Variants in COL18A1 observed in about 807,000 individuals in gnomAD.
The protein encoded by COL18A1 is collagen type XVIII alpha 1 chain.
In COL18A1, 133 loss-of-function variants were observed where a neutral mutation model predicts 168.0. That is an observed-to-expected ratio of 0.79 (90% CI 0.69 to 0.91). The LOEUF is 0.91. Among genes scored for constraint, COL18A1 ranks in the 40% least tolerant of loss-of-function variants. The probability of loss-of-function intolerance (pLI) is 0.00; values close to 1 mark genes in which losing one functional copy is unlikely to be tolerated. For missense variants in COL18A1, 2,126 were observed against 1,925.4 expected (o/e 1.10, Z -1.95); for synonymous variants, 949 against 809.0 (o/e 1.17, Z -2.94).
At position 45,480,419 on chromosome 21, in the gene COL18A1, C is replaced by G. The variant is rs2236466; in HGVS notation, c.1399-48C>G. 122,787 of 1,613,576 alleles carry G rather than the reference C, an allele frequency of 0.076. 6,177 individuals carry two copies. The highest frequency in any genetic ancestry group is 0.22 in the African/African-American group (16,857 of 74,958). ...GGGCAGGGGCCAGGAGTAGGCCAGG[C>G]GGGGGGCCGAGCTCAGGGCAACGTG... On this transcript the variant is annotated intron_variant, in intron 11 of 41. Coordinates refer to ENST00000651438, the MANE Select transcript of COL18A1 (RefSeq NM_001379500.1).
Position 45,505,429 on chromosome 21 carries a change from G to A in COL18A1, c.3085G>A (p.Gly1029Arg). 9.1e-6 allele frequency: 14 copies of A among 1,539,988 alleles called. No individual in the cohort carries two copies. Among genetic ancestry groups the A allele is most frequent in the Non-Finnish European group, 1.2e-5 (14 of 1,125,112 alleles). ...GPPGTMGASS[G>R]VRLWATRQAM... ...CCCTGGAACCATGGGCGCCTCCTCA[G>A]GGGTAAGTGTCTGGGCAGCCGGCTG... Residue 1029 changes from glycine to arginine, a missense_variant and splice_region_variant, in exon 36 of 42, where the codon GGG becomes AGG. By Grantham distance (125) the Gly-to-Arg change is moderately radical. Coordinates refer to ENST00000651438, the MANE Select transcript of COL18A1 (RefSeq NM_001379500.1).
rs77297122 is a variant in COL18A1, at chr21:45,487,167, G to A, written c.1833+175G>A. On this transcript the variant is annotated intron_variant, in intron 16 of 41. Transcript: ENST00000651438. ...GTGGGGCTCGAGTCTCTCGCCCGTCGCCCGTGCCCCACGGTGCTGATGGGG... is the reference window on the plus strand; with the variant it reads ...GTGGGGCTCGAGTCTCTCGCCCGTCACCCGTGCCCCACGGTGCTGATGGGG... Among the ~76,000 whole-genome samples the A allele has an allele frequency of 8.0e-3, 1,211 of 152,284 alleles. 39 individuals are homozygous for A. In the East Asian group the frequency reaches 0.093, roughly 12 times the overall value.
chr21:45,495,306 G>A (rs2036492307), intron 28 of COL18A1, 52 bp from the exon 29 acceptor site: 1 of 1,478,210 alleles, frequency 6.8e-7, no homozygotes, highest in Non-Finnish European at 9.3e-7. Flanking sequence ...GCGGGAAGGT[G>A]TCTGGTAATC....
chr21:45,499,909 G>A (rs1039166695), intron 32 of COL18A1, among the ~76,000 whole-genome samples: 9 of 152,226 alleles, frequency 5.9e-5, no homozygotes, highest in Admixed American at 5.9e-4. Flanking sequence ...GTAGATTTAG[G>A]TCCCGATACA....
At chr21:45,496,867 C>T (rs963422939) in intron 30 of COL18A1, among the ~76,000 whole-genome samples, 183 bp from the exon 31 acceptor site, 3 of 152,210 alleles carry the variant, frequency 2.0e-5, no homozygotes, top group African/African-American at 4.8e-5. Flanking sequence ...CAATGAGGGC[C>T]AAGTGGCGTC....
chr21:45,424,344 TG>T (rs76199361), intron 2 of COL18A1: 5,855 of 152,652 alleles, frequency 0.038, 145 homozygotes, highest in East Asian at 0.093. Flanking sequence ...AGGCCCTCTC[TG>T]CAGGGCGGAG....
intron 2 of COL18A1, chr21:45,420,131 C>T (rs991408055): frequency 6.6e-6 from 1 of 152,274 alleles, no homozygotes; most frequent in Non-Finnish European, 1.5e-5. Context: ...AGCAGCTCCC[C>T]CCGACAGGAG....
chr21:45,496,713 A>T (rs2036556323), intron 30 of COL18A1, 145 bp downstream of exon 30: 2 of 706,672 alleles, frequency 2.8e-6, no homozygotes, highest in Non-Finnish European at 5.2e-6. Flanking sequence ...GTGGATTAGC[A>T]GCTGAGTTCC....
chr21:45,496,219 T>G, intron 29 of COL18A1: 1 of 635,148 alleles, frequency 1.6e-6, no homozygotes. Flanking sequence ...GGGTGGGGCA[T>G]TTTCAGTCAC....
rs1602669010 is a variant in COL18A1, at chr21:45,512,453, A to C, written c.*55A>C. ...GACCGGCGGCTCGGAGGAAGCCCCC[A>C]CCGTGGGCAGGGAGCGGCCGGCCAG... is the stretch of plus-strand genomic sequence containing the variant. On this transcript the variant is annotated 3_prime_UTR_variant, in exon 42 of 42. Transcript: ENST00000651438. 3 of 1,558,870 alleles carry C rather than the reference A, an allele frequency of 1.9e-6. No homozygotes were observed. The highest frequency in any genetic ancestry group is 2.3e-5 in the East Asian group (1 of 42,972).
At chr21:45,459,353 G>T (rs1379970506) in intron 2 of COL18A1, among the ~76,000 whole-genome samples, 3 of 152,220 alleles carry the variant, frequency 2.0e-5, no homozygotes, top group African/African-American at 7.2e-5. Flanking sequence ...AAGTGGGGGT[G>T]CTGGGCTGTG....
rs73370869 is a variant in COL18A1, at chr21:45,506,053, C to T, written c.3216+87C>T. The T allele has an allele frequency of 2.8e-3, 4,448 of 1,599,170 alleles. 134 individuals are homozygous for T. The African/African-American group carries it at 0.054, about 19-fold the overall frequency. ...TAAGGAAGGCGAGAGGCTCAGGCCC[C>T]GGACAGGGATGGGAGCAGGTGGCAG... On this transcript the variant is annotated intron_variant, in intron 37 of 41. Transcript: ENST00000651438.
intron 24 of COL18A1, 113 bp from the exon 25 acceptor site, chr21:45,493,049 CG>C (rs1332481173): frequency 7.2e-6 from 8 of 1,105,148 alleles, no homozygotes; most frequent in Non-Finnish European, 1.1e-5. Context: ...GGGCCCTGGT[CG>C]GGCTGTCGAG....
In COL18A1 at chr21:45,509,379, GC is replaced by G. The variant is rs1344008575; in HGVS notation, c.3279del (p.Val1094TrpfsTer157). Reference sequence around the variant, plus strand: ...AGGACAATGAAGTGGCCGCCTTGCAGCCCCCCGTGGTGCAGCTGCACGACAG... The same window carrying G: ...AGGACAATGAAGTGGCCGCCTTGCAGCCCCCGTGGTGCAGCTGCACGACAG... The part of the protein sequence containing the change: ...GTDNEVAALQ[P>X]PVVQLHDSNP... On this transcript the variant is annotated frameshift_variant, in exon 39 of 42. Coordinates refer to ENST00000651438, the MANE Select transcript of COL18A1 (RefSeq NM_001379500.1). LOFTEE classifies it high-confidence loss of function. The G allele has an allele frequency of 3.2e-6, 5 of 1,542,240 alleles. No homozygotes were observed. Among genetic ancestry groups the G allele is most frequent in the Admixed American group, 1.9e-5 (1 of 52,030 alleles).
chr21:45,492,197 G>A (rs999863542), intron 22 of COL18A1, among the ~76,000 whole-genome samples: 3 of 152,226 alleles, frequency 2.0e-5, no homozygotes, highest in South Asian at 4.1e-4. Flanking sequence ...CAGGGACCTC[G>A]GCGTGACGGT....
chr21:45,500,280 TGGGG>T (rs1328129340), intron 32 of COL18A1, among the ~76,000 whole-genome samples: 1 of 49,686 alleles, frequency 2.0e-5, no homozygotes, highest in African/African-American at 1.2e-4. Context: ...GGGTGTGTAG[TGGGG>T]GTGTGTGGAG....
intron 2 of COL18A1, among the ~76,000 whole-genome samples, chr21:45,426,667 A>G (rs2033813234): frequency 6.6e-6 from 1 of 152,244 alleles, no homozygotes. Context: ...CTGCATGCTC[A>G]GCCCTTGCGT....
intron 37 of COL18A1, chr21:45,506,597 C>T (rs767564656): frequency 2.3e-5 from 4 of 177,420 alleles, no homozygotes; most frequent in South Asian, 1.2e-4. Flanking sequence ...GGTTTACCTT[C>T]GTGTGGCAAA....
chr21:45,474,771 C>T lies in COL18A1; in HGVS notation c.739-705C>T, dbSNP rs1602476484. On this transcript the variant is annotated intron_variant, in intron 4 of 41. Coordinates refer to ENST00000651438, the MANE Select transcript of COL18A1 (RefSeq NM_001379500.1). ...CGCCGTGGACGTGGACCCACAGCCT[C>T]GCTCCTGGGGGCGTGGGCAGGAGAC... 5.9e-5 allele frequency among the ~76,000 whole-genome samples: 9 copies of T among 151,750 alleles called. No homozygotes were observed. The South Asian group carries it at 1.0e-3, about 18-fold the overall frequency.
Sources: gnomAD v4.1 joint callset for allele counts (sites outside exome capture counted in the v4.1 genomes callset) on GRCh38, gnomAD v4.1.1 for gene constraint, MANE v1.5 for transcripts, NCBI Gene and HGNC (gene_info 2026-07-23, HGNC 2026-07-21) for gene names.